SEH1L: variants seen among roughly 807,000 people sequenced by gnomAD.
The protein encoded by SEH1L is nucleoporin SEH1.
Under a neutral mutation model 49.5 loss-of-function variants are expected in SEH1L, and 18 were observed. The observed-to-expected ratio is 0.36, with a 90% CI of 0.25 to 0.54. The LOEUF (loss-of-function observed/expected upper bound fraction) is 0.54. SEH1L is among the 20% of genes least tolerant of loss of function. The probability of loss-of-function intolerance (pLI) is 0.87; values close to 1 mark genes in which losing one functional copy is unlikely to be tolerated. For missense variants in SEH1L, 404 were observed against 528.8 expected (o/e 0.76, Z 2.31); for synonymous variants, 169 against 178.1 (o/e 0.95, Z 0.41).
At chr18:12,953,980 T>C (rs1034936016) in intron 2 of SEH1L, among the ~76,000 whole-genome samples, 3 of 152,206 alleles carry the variant, frequency 2.0e-5, no homozygotes, top group Non-Finnish European at 2.9e-5. Context: ...TTACTGTAAA[T>C]CTAATAAAAC....
chr18:12,982,434 CGT>C (rs879903639), intron 6 of SEH1L, 82 bp from the exon 7 acceptor site: 1 of 930,368 alleles, frequency 1.1e-6, no homozygotes, highest in Non-Finnish European at 1.6e-6. Flanking sequence ...TAGAATTTTA[CGT>C]GTGTATATAT....
intron 8 of SEH1L, chr18:12,985,839 G>C (rs577050761): frequency 2.1e-6 from 2 of 953,520 alleles, no homozygotes; most frequent in Non-Finnish European, 2.5e-6. Flanking sequence ...AATTAATAAA[G>C]TAGTAATAGT....
intron 6 of SEH1L, among the ~76,000 whole-genome samples, chr18:12,980,714 CCCGG>C (rs2032194756): frequency 1.9e-5 from 2 of 105,322 alleles, no homozygotes; most frequent in East Asian, 3.3e-4. Context: ...CCACTTCCCT[CCCGG>C]ACGGGGCGGC....
intron 4 of SEH1L, among the ~76,000 whole-genome samples, chr18:12,963,597 C>T (rs2031295945): frequency 6.6e-6 from 1 of 152,224 alleles, no homozygotes; most frequent in African/African-American, 2.4e-5. Context: ...GTTTTCTATG[C>T]ATATGCAAAT....
chr18:12,959,444 G>C (rs919392870), intron 3 of SEH1L, among the ~76,000 whole-genome samples: 27 of 152,194 alleles, frequency 1.8e-4, no homozygotes, highest in African/African-American at 6.3e-4. Flanking sequence ...GCCCCCCAGA[G>C]TGCTGGGATT....
At chr18:12,955,728 T>C in intron 3 of SEH1L, 119 bp downstream of exon 3, 1 of 1,010,138 alleles carries the variant, frequency 9.9e-7, no homozygotes, top group East Asian at 2.6e-5. Context: ...TTTTACCAGT[T>C]CTAAAGTTCT....
At position 12,984,082 on chromosome 18, in the gene SEH1L, G is replaced by T. The variant is rs374556599; in HGVS notation, c.962G>T (p.Gly321Val). Residue 321 changes from glycine to valine, a missense_variant, in exon 8 of 9, where the codon GGT becomes GTT. By Grantham distance (109) the Gly-to-Val change is moderately radical. Around this residue, in one of 3 missense-constraint regions of SEH1L, gnomAD observed 342 missense variants for 430.8 expected, o/e 0.79. Coordinates refer to ENST00000399892, the MANE Select transcript of SEH1L (RefSeq NM_001013437.2). ...TGGAAGTGTACTGGTATTTTGAAAG[G>T]TAATGGGAGCCCAGTCAATGGGAGT... ...DNWKCTGILK[G>V]NGSPVNGSSQ... 8.7e-6 allele frequency: 14 copies of T among 1,613,812 alleles called. No individual in the cohort carries two copies. The highest frequency in any genetic ancestry group is 1.2e-5 in the Non-Finnish European group (14 of 1,179,700).
intron 2 of SEH1L, among the ~76,000 whole-genome samples, 170 bp from the exon 3 acceptor site, chr18:12,955,293 T>G (rs1236244327): frequency 6.6e-6 from 1 of 150,974 alleles, no homozygotes; most frequent in East Asian, 1.9e-4. Flanking sequence ...GGAATTTAAC[T>G]TTTTATTTAC....
At chr18:12,954,142 G>A (rs1325955666) in intron 2 of SEH1L, among the ~76,000 whole-genome samples, 1 of 152,152 alleles carries the variant, frequency 6.6e-6, no homozygotes, top group East Asian at 1.9e-4. Context: ...GAAGTTATTG[G>A]TTAAACTATT....
intron 1 of SEH1L, 189 bp downstream of exon 1, chr18:12,948,421 G>T (rs896154917): frequency 4.2e-6 from 2 of 475,636 alleles, no homozygotes; most frequent in Non-Finnish European, 3.7e-6. Flanking sequence ...GCGGCCTCGC[G>T]GGCCGCCCTC....
chr18:12,968,278 T>G (rs1014432686), intron 4 of SEH1L, among the ~76,000 whole-genome samples: 1 of 152,158 alleles, frequency 6.6e-6, no homozygotes, highest in East Asian at 1.9e-4. Context: ...TTGACAGGGT[T>G]TCCTAAGGAT....
intron 5 of SEH1L, chr18:12,976,571 T>C (rs1219596736): frequency 6.6e-6 from 1 of 152,162 alleles, no homozygotes; most frequent in East Asian, 1.9e-4. Context: ...ACCTGTCCTA[T>C]TTCTGGCCTT....
chr18:12,959,066 C>T (rs1210526642), intron 3 of SEH1L, among the ~76,000 whole-genome samples: 1 of 152,178 alleles, frequency 6.6e-6, no homozygotes, highest in Non-Finnish European at 1.5e-5. Flanking sequence ...GTGGCATCTC[C>T]ATTGTGGTTC....
intron 4 of SEH1L, among the ~76,000 whole-genome samples, chr18:12,965,664 T>A (rs2031418420): frequency 6.6e-6 from 1 of 152,256 alleles, no homozygotes; most frequent in Non-Finnish European, 1.5e-5. Flanking sequence ...TGATGCTGGT[T>A]CTTTTGTAGG....
chr18:12,962,739 T>G (rs1202809591), intron 3 of SEH1L, among the ~76,000 whole-genome samples: 1 of 151,888 alleles, frequency 6.6e-6, no homozygotes, highest in Non-Finnish European at 1.5e-5. Flanking sequence ...TCCCAAAGTT[T>G]TGGGATTACA....
chr18:12,985,499 A>T, intron 8 of SEH1L: 2 of 1,238,806 alleles, frequency 1.6e-6, no homozygotes, highest in Non-Finnish European at 2.0e-6. Flanking sequence ...CTGTTGAGAC[A>T]TTGTCACCAA....
chr18:12,956,993 G>A (rs555674764), intron 3 of SEH1L, among the ~76,000 whole-genome samples: 51 of 152,116 alleles, frequency 3.4e-4, no homozygotes, highest in Admixed American at 3.9e-4. Flanking sequence ...GTGTGAACCC[G>A]GGAGGCGGAG....
At chr18:12,949,448 T>TTTTTTG (rs2030363296) in intron 1 of SEH1L, among the ~76,000 whole-genome samples, 1 of 113,016 alleles carries the variant, frequency 8.8e-6, no homozygotes, top group Non-Finnish European at 1.9e-5. Context: ...AACCGTTTTT[T>TTTTTTG]TTTTTTTTTT....
At chr18:12,967,121 A>G (rs1322038390) in intron 4 of SEH1L, among the ~76,000 whole-genome samples, 2 of 152,212 alleles carry the variant, frequency 1.3e-5, no homozygotes, top group Non-Finnish European at 2.9e-5. Context: ...TGCACTGGCA[A>G]TGTTCTATAA....
Sources: gnomAD v4.1 joint callset for allele counts (sites outside exome capture counted in the v4.1 genomes callset) on GRCh38, gnomAD v4.1.1 for gene constraint, gnomAD v4.1.1 regional missense constraint, MANE v1.5 for transcripts, NCBI Gene and HGNC (gene_info 2026-07-23, HGNC 2026-07-21) for gene names.